The following RNF150 variants were observed in gnomAD, a reference collection of about 807,000 sequenced individuals.
RNF150 encodes the protein ring finger protein 150.
A neutral mutation model predicts 39.3 loss-of-function variants in RNF150; 24 were observed. That is an observed-to-expected ratio of 0.61 (90% CI 0.44 to 0.86). The LOEUF is 0.86. Among genes scored for constraint, RNF150 ranks in the 40% least tolerant of loss-of-function variants. The pLI, the probability that RNF150 is intolerant of heterozygous loss-of-function variation, is 0.00. For synonymous variants in RNF150, 255 were observed against 227.3 expected (o/e 1.12, Z -1.10); for missense variants, 502 against 587.8 (o/e 0.85, Z 1.51).
Position 140,934,013 on chromosome 4 carries a change from T to G in RNF150, c.891-7940A>C, listed in dbSNP as rs542815780. 4.0e-3 allele frequency among the ~76,000 whole-genome samples: 608 copies of G among 152,306 alleles called. 3 individuals carry two copies. The highest frequency in any genetic ancestry group is 0.013 in the African/African-American group (551 of 41,536). ...ATATTTATTTATTTATTTTTAAAAT[T>G]TGTTTATTTATTTTGAGACAGAGTC... is the stretch of plus-strand genomic sequence containing the variant. On this transcript the variant is annotated intron_variant, in intron 4 of 6. Coordinates refer to ENST00000515673, the MANE Select transcript of RNF150 (RefSeq NM_020724.2).
At chr4:141,207,828 C>T (rs1728398175) in intron 1 of RNF150, among the ~76,000 whole-genome samples, 1 of 152,170 alleles carries the variant, frequency 6.6e-6, no homozygotes, top group South Asian at 2.1e-4. Context: ...AAGGTTAAAA[C>T]ATACTTGGGG....
At chr4:140,902,843 C>G (rs1000925776) in intron 6 of RNF150, among the ~76,000 whole-genome samples, 1 of 152,202 alleles carries the variant, frequency 6.6e-6, no homozygotes, top group South Asian at 2.1e-4. Context: ...CCTCCACCCA[C>G]TGTCTTCTCA....
intron 1 of RNF150, among the ~76,000 whole-genome samples, chr4:141,155,673 G>T (rs1727380686): frequency 6.6e-6 from 1 of 152,146 alleles, no homozygotes; most frequent in African/African-American, 2.4e-5. Flanking sequence ...ACATTTAAAT[G>T]CATCAAAATT....
At chr4:141,173,858 C>T (rs1378188542) in intron 1 of RNF150, among the ~76,000 whole-genome samples, 1 of 152,158 alleles carries the variant, frequency 6.6e-6, no homozygotes, top group Non-Finnish European at 1.5e-5. Flanking sequence ...GAAAGTTCTT[C>T]CTCAAAACTT....
intron 6 of RNF150, among the ~76,000 whole-genome samples, chr4:140,886,142 G>C (rs1729565239): frequency 7.6e-6 from 1 of 130,738 alleles, no homozygotes; most frequent in Admixed American, 9.1e-5. Context: ...AGTGAGCCGG[G>C]ATAGCGCCAC....
At chr4:141,195,853 G>C (rs1265515966) in intron 1 of RNF150, among the ~76,000 whole-genome samples, 3 of 152,200 alleles carry the variant, frequency 2.0e-5, no homozygotes, top group Non-Finnish European at 4.4e-5. Context: ...AGGATTGGCT[G>C]TGAAGTAGTC....
intron 1 of RNF150, among the ~76,000 whole-genome samples, chr4:141,120,449 G>T (rs771535955): frequency 6.6e-6 from 1 of 152,054 alleles, no homozygotes; most frequent in Non-Finnish European, 1.5e-5. Context: ...ATTCTAAAAC[G>T]CTGCCAAATT....
chr4:141,019,142 A>C (rs1410960432), intron 1 of RNF150, among the ~76,000 whole-genome samples: 1 of 149,952 alleles, frequency 6.7e-6, no homozygotes, highest in Admixed American at 6.7e-5. Context: ...TGAGCTCAGA[A>C]TTTCCTGAAA....
At chr4:140,944,727 A>C (rs1186387839) in intron 4 of RNF150, 2 of 152,198 alleles carry the variant, frequency 1.3e-5, no homozygotes, top group Non-Finnish European at 2.9e-5. Flanking sequence ...AAAAAGTGTG[A>C]GTGAAGGGAG....
intron 1 of RNF150, among the ~76,000 whole-genome samples, chr4:140,978,864 C>T (rs1275847063): frequency 6.6e-6 from 1 of 152,072 alleles, no homozygotes; most frequent in South Asian, 2.1e-4. Flanking sequence ...TGAAACAAAT[C>T]ATAGAATACT....
intron 1 of RNF150, among the ~76,000 whole-genome samples, chr4:141,064,468 T>C (rs999134795): frequency 2.0e-5 from 3 of 152,260 alleles, no homozygotes; most frequent in African/African-American, 7.2e-5. Context: ...CCAGGCATAG[T>C]TGTGCATTCC....
At chr4:141,086,540 T>A (rs1486342413) in intron 1 of RNF150, among the ~76,000 whole-genome samples, 2 of 152,124 alleles carry the variant, frequency 1.3e-5, no homozygotes, top group Non-Finnish European at 2.9e-5. Flanking sequence ...TGACATCAAC[T>A]TAATTAGTAC....
intron 6 of RNF150, among the ~76,000 whole-genome samples, chr4:140,893,572 T>C (rs752488539): frequency 6.6e-6 from 1 of 152,194 alleles, no homozygotes; most frequent in Non-Finnish European, 1.5e-5. Context: ...CTCCACCTTA[T>C]TAGGTACCTT....
intron 1 of RNF150, among the ~76,000 whole-genome samples, chr4:141,061,113 T>C (rs1029046531): frequency 6.6e-6 from 1 of 151,722 alleles, no homozygotes; most frequent in African/African-American, 2.4e-5. Context: ...GTTCTGCACA[T>C]CTACCCCAGA....
intron 1 of RNF150, among the ~76,000 whole-genome samples, chr4:141,102,874 C>T (rs1170043328): frequency 6.6e-6 from 1 of 152,186 alleles, no homozygotes; most frequent in African/African-American, 2.4e-5. Flanking sequence ...AGTGTTACTA[C>T]CGTGGGTCTT....
chr4:140,966,103 G>A (rs890162841), intron 2 of RNF150, among the ~76,000 whole-genome samples: 1 of 152,100 alleles, frequency 6.6e-6, no homozygotes, highest in Non-Finnish European at 1.5e-5. Flanking sequence ...GGGAGGCCGA[G>A]GTGGGAAGAT....
intron 6 of RNF150, among the ~76,000 whole-genome samples, chr4:140,904,182 G>A (rs1560957151): frequency 6.6e-6 from 1 of 152,178 alleles, no homozygotes; most frequent in Non-Finnish European, 1.5e-5. Context: ...GAAGCAAGGG[G>A]GTGATGTTGC....
intron 1 of RNF150, among the ~76,000 whole-genome samples, chr4:141,020,531 C>G (rs1735453411): frequency 6.6e-6 from 1 of 152,130 alleles, no homozygotes; most frequent in Non-Finnish European, 1.5e-5. Context: ...AGTGTTCTGG[C>G]TCTAGAAAAC....
chr4:141,005,678 C>T (rs545724918), intron 1 of RNF150, among the ~76,000 whole-genome samples: 37 of 152,258 alleles, frequency 2.4e-4, no homozygotes, highest in African/African-American at 8.7e-4. Flanking sequence ...TTAACCAACC[C>T]ATCTTACAAA....
Sources: allele counts gnomAD v4.1 joint callset (sites outside exome capture counted in the v4.1 genomes callset), GRCh38; gene constraint gnomAD v4.1.1; transcripts MANE v1.5; gene names NCBI Gene and HGNC (gene_info 2026-07-23, HGNC 2026-07-21).